The following HS6ST2 variants were observed in gnomAD, a reference collection of about 807,000 sequenced individuals.
HS6ST2 encodes heparan sulfate 6-O-sulfotransferase 2, also known as heparan-sulfate 6-O-sulfotransferase 2.
HS6ST2 carries 17 observed loss-of-function variants against 33.0 expected under a neutral mutation model. That is an observed-to-expected ratio of 0.52 (90% CI 0.35 to 0.77). The LOEUF (loss-of-function observed/expected upper bound fraction) is 0.77, where lower values mean the gene tolerates loss of function less well. Ranked by LOEUF, HS6ST2 falls within the 30% of genes least tolerant of loss-of-function variation. The pLI is 0.01. For synonymous variants in HS6ST2, 248 were observed against 237.1 expected (o/e 1.05, Z -0.42); for missense variants, 519 against 551.7 (o/e 0.94, Z 0.59).
At chrX:132,884,234 C>T (rs1602808751) in intron 2 of HS6ST2, among the ~76,000 whole-genome samples, 1 of 111,604 alleles carries the variant, frequency 9.0e-6, no homozygotes, top group East Asian at 2.8e-4. Flanking sequence ...TCTGACCTTA[C>T]ACCATTCAAG....
chrX:132,740,336 T>C lies in HS6ST2; in HGVS notation c.948-31842A>G, dbSNP rs2064558924. ...CTTTGTATCAGCCCCTTTTAGAACC[T>C]ACTATTCACACTGCTCTGCAGATGT... On this transcript the variant is annotated intron_variant, in intron 2 of 4. Coordinates refer to ENST00000370833, the MANE Select transcript of HS6ST2 (RefSeq NM_001394073.1). Among the ~76,000 whole-genome samples, 3 of 112,232 alleles carry C rather than the reference T, an allele frequency of 2.7e-5. No homozygotes were observed. The South Asian group carries it at 1.1e-3, about 42-fold the overall frequency.
chrX:132,745,338 G>A (rs2064627482), intron 2 of HS6ST2, among the ~76,000 whole-genome samples: 1 of 112,151 alleles, frequency 8.9e-6, no homozygotes, highest in South Asian at 3.7e-4. Context: ...GCCTGCCTTA[G>A]CCTCCCGAAG....
chrX:132,763,498 C>A (rs761660603), intron 2 of HS6ST2, among the ~76,000 whole-genome samples: 1 of 112,230 alleles, frequency 8.9e-6, no homozygotes, highest in Non-Finnish European at 1.9e-5. Context: ...AGTGCAGACT[C>A]GAGATGTTCT....
At chrX:132,637,926 ATATT>A (rs1569476041) in intron 4 of HS6ST2, among the ~76,000 whole-genome samples, 5 of 53,192 alleles carry the variant, frequency 9.4e-5, no homozygotes, top group African/African-American at 1.5e-4. Flanking sequence ...TTTTATATAT[ATATT>A]ATATATAATA....
intron 2 of HS6ST2, among the ~76,000 whole-genome samples, chrX:132,786,373 G>A (rs2065060703): frequency 9.0e-6 from 1 of 111,017 alleles, no homozygotes; most frequent in African/African-American, 3.3e-5. Context: ...CATAATTGGG[G>A]AATGAATCAT....
intron 2 of HS6ST2, among the ~76,000 whole-genome samples, chrX:132,837,004 T>C: frequency 8.9e-6 from 1 of 111,877 alleles, no homozygotes; most frequent in East Asian, 2.8e-4. Flanking sequence ...TTGTGGGAAA[T>C]GAGGAGTCAT....
At chrX:132,880,913 G>T (rs1016924359) in intron 2 of HS6ST2, among the ~76,000 whole-genome samples, 125 of 109,319 alleles carry the variant, frequency 1.1e-3, no homozygotes, top group Non-Finnish European at 2.1e-3. Context: ...TGCTGAGAAT[G>T]ATGGTTTCCA....
chrX:132,890,762 C>T (rs1300001635), intron 2 of HS6ST2, among the ~76,000 whole-genome samples: 1 of 111,116 alleles, frequency 9.0e-6, no homozygotes, highest in African/African-American at 3.3e-5. Flanking sequence ...GCCCTAATGA[C>T]AATCACAAGG....
chrX:132,777,093 C>T (rs982560355), intron 2 of HS6ST2, among the ~76,000 whole-genome samples: 1 of 102,869 alleles, frequency 9.7e-6, no homozygotes, highest in Non-Finnish European at 2.0e-5. Flanking sequence ...GTACAACTGG[C>T]ATCTAGTAGG....
chrX:132,647,526 T>G (rs1257612861), intron 4 of HS6ST2, among the ~76,000 whole-genome samples: 3 of 112,081 alleles, frequency 2.7e-5, no homozygotes, highest in Non-Finnish European at 3.8e-5. Flanking sequence ...GGGAAATCAC[T>G]TTTCCCCTTA....
intron 2 of HS6ST2, among the ~76,000 whole-genome samples, chrX:132,715,639 C>T (rs146244554): frequency 5.4e-5 from 6 of 111,541 alleles, no homozygotes; most frequent in Non-Finnish European, 7.5e-5. Flanking sequence ...TACTTGACAG[C>T]ACATCATCCA....
intron 4 of HS6ST2, among the ~76,000 whole-genome samples, chrX:132,634,435 GT>G (rs2063539823): frequency 8.9e-6 from 1 of 112,047 alleles, no homozygotes; most frequent in Non-Finnish European, 1.9e-5. Context: ...AAATGACAAG[GT>G]GTCACATTTT....
Position 132,892,451 on chromosome X carries a change from AT to A in HS6ST2, c.947+64356del, listed in dbSNP as rs1310143781. ...GATATGTATACAGTCGTCCCTCAGT[AT>A]TCATAGAGTATTGCAATGTTCCAAG... On this transcript the variant is annotated intron_variant, in intron 2 of 4. Transcript: ENST00000370833. Among the ~76,000 whole-genome samples the A allele has an allele frequency of 1.8e-5, 2 of 111,839 alleles. 1 individual carries two copies. The highest frequency in any genetic ancestry group is 1.9e-4 in the Admixed American group (2 of 10,510).
At chrX:132,894,525 GT>G in intron 2 of HS6ST2, among the ~76,000 whole-genome samples, 1 of 90,236 alleles carries the variant, frequency 1.1e-5, no homozygotes, top group Non-Finnish European at 2.3e-5. Flanking sequence ...GTTATGTTAT[GT>G]TATTTATTTT....
At chrX:132,679,923 CTT>C (rs1431171656) in intron 3 of HS6ST2, among the ~76,000 whole-genome samples, 1 of 109,644 alleles carries the variant, frequency 9.1e-6, no homozygotes, top group Non-Finnish European at 1.9e-5. Context: ...GGTTATCTCT[CTT>C]GTTTCCTAAA....
upstream of HS6ST2, chrX:132,958,916 A>G (rs2067122488): frequency 3.6e-6 from 1 of 275,163 alleles, no homozygotes; most frequent in Non-Finnish European, 6.4e-6. Flanking sequence ...ACCAAAAAGC[A>G]TTACAGAATG....
chrX:132,767,023 C>T (rs1016552226), intron 2 of HS6ST2, among the ~76,000 whole-genome samples: 8 of 111,774 alleles, frequency 7.2e-5, no homozygotes, highest in African/African-American at 2.3e-4. Flanking sequence ...ACCTCAACGA[C>T]CTGATTACAA....
At chrX:132,939,347 G>A (rs553512983) in intron 2 of HS6ST2, among the ~76,000 whole-genome samples, 186 of 110,706 alleles carry the variant, frequency 1.7e-3, no homozygotes, top group African/African-American at 5.7e-3. Context: ...TTAACTGGCC[G>A]GGCACAGTGG....
At chrX:132,917,009 G>A (rs1436587895) in intron 2 of HS6ST2, among the ~76,000 whole-genome samples, 4 of 111,883 alleles carry the variant, frequency 3.6e-5, no homozygotes, top group South Asian at 3.7e-4. Context: ...TCTAAAATAA[G>A]GATGGGTCTT....
Sources: allele counts gnomAD v4.1 joint callset (sites outside exome capture counted in the v4.1 genomes callset), GRCh38; gene constraint gnomAD v4.1.1; transcripts MANE v1.5; gene names NCBI Gene and HGNC (gene_info 2026-07-23, HGNC 2026-07-21).